Variants in ANO1 observed in about 807,000 individuals in gnomAD.
The protein encoded by ANO1 is anoctamin 1, also known as anoctamin-1.
In ANO1, 59 loss-of-function variants were observed where a neutral mutation model predicts 124.0. That is an observed-to-expected ratio of 0.48 (90% CI 0.39 to 0.59). ANO1 has a LOEUF of 0.59. ANO1 is among the 20% of genes least tolerant of loss of function. The pLI is 0.00. For missense variants in ANO1, 1,059 were observed against 1,328.0 expected, an observed-to-expected ratio of 0.80 and a Z score of 3.15; for synonymous variants, 529 against 532.0, an observed-to-expected ratio of 0.99 and a Z score of 0.08.
At chr11:70,054,781 C>T (rs1300691127) in intron 1 of ANO1, among the ~76,000 whole-genome samples, 7 of 152,034 alleles carry the variant, frequency 4.6e-5, no homozygotes, top group African/African-American at 1.4e-4. Context: ...TTATTTGTGT[C>T]CTTCTACTTT....
At chr11:70,088,775 G>A (rs1195252259) in intron 2 of ANO1, among the ~76,000 whole-genome samples, 1 of 152,168 alleles carries the variant, frequency 6.6e-6, no homozygotes, top group African/African-American at 2.4e-5. Context: ...TTCCTGGATG[G>A]GGTCGGCCCT....
intron 2 of ANO1, among the ~76,000 whole-genome samples, chr11:70,091,516 G>C (rs754346990): frequency 6.6e-6 from 1 of 152,182 alleles, no homozygotes; most frequent in Non-Finnish European, 1.5e-5. Context: ...GCCAGTGTAC[G>C]TGGGGGGCAA....
At chr11:70,150,628 G>A (rs576458563) in intron 12 of ANO1, among the ~76,000 whole-genome samples, 2 of 152,152 alleles carry the variant, frequency 1.3e-5, no homozygotes, top group African/African-American at 4.8e-5. Flanking sequence ...TTGACCTCCC[G>A]GGCTCAAGCC....
chr11:70,017,348 G>A (rs1184424743), intron 1 of ANO1, among the ~76,000 whole-genome samples: 3 of 152,212 alleles, frequency 2.0e-5, no homozygotes, highest in African/African-American at 4.8e-5. Context: ...AGCCCAGAGC[G>A]TGTTTCCCAT....
intron 1 of ANO1, among the ~76,000 whole-genome samples, chr11:70,036,089 G>A (rs1298410242): frequency 6.6e-6 from 1 of 152,076 alleles, no homozygotes; most frequent in Non-Finnish European, 1.5e-5. Flanking sequence ...ATCAACTGGG[G>A]GCCTTCAGCA....
At chr11:70,053,467 C>T (rs1857386058) in intron 1 of ANO1, among the ~76,000 whole-genome samples, 1 of 151,968 alleles carries the variant, frequency 6.6e-6, no homozygotes, top group Non-Finnish European at 1.5e-5. Flanking sequence ...TTAAATTTTA[C>T]CAAATGCTTT....
intron 2 of ANO1, among the ~76,000 whole-genome samples, chr11:70,088,798 A>G (rs1300067129): frequency 2.6e-5 from 4 of 152,112 alleles, no homozygotes; most frequent in Non-Finnish European, 4.4e-5. Flanking sequence ...TCTGGGCCTC[A>G]GTTTCTCGTC....
intron 2 of ANO1, among the ~76,000 whole-genome samples, chr11:70,090,840 A>G (rs929384179): frequency 1.3e-5 from 2 of 152,198 alleles, no homozygotes; most frequent in Non-Finnish European, 2.9e-5. Context: ...TGATCTGGCC[A>G]TGTTTAAGAT....
intron 1 of ANO1, among the ~76,000 whole-genome samples, chr11:69,998,725 T>A (rs1391057259): frequency 6.6e-6 from 1 of 152,144 alleles, no homozygotes; most frequent in Non-Finnish European, 1.5e-5. Context: ...AGGCAGGTGG[T>A]TCACCTGAGG....
intron 14 of ANO1, among the ~76,000 whole-genome samples, chr11:70,153,474 C>G (rs1006060241): frequency 2.0e-5 from 3 of 152,208 alleles, no homozygotes; most frequent in Non-Finnish European, 4.4e-5. Context: ...ACAGGAACCA[C>G]GTGGCTTTGA....
Position 70,131,944 on chromosome 11 carries a change from A to T in ANO1, c.1123A>T (p.Asn375Tyr). The T allele has an allele frequency of 6.2e-7, 1 of 1,608,902 alleles. No homozygotes were observed. Among genetic ancestry groups the T allele is most frequent in the Non-Finnish European group, 8.5e-7 (1 of 1,179,740 alleles). Residue 375 changes from asparagine to tyrosine, a missense_variant, in exon 11 of 26, where the codon AAT (asparagine) becomes TAT (tyrosine). By Grantham distance (143) the Asn-to-Tyr change is moderately radical. This residue lies in a region of ANO1 where 809 missense variants were observed against 1,094.9 expected (regional missense o/e 0.74). Transcript: ENST00000355303. The part of the protein sequence containing the change: ...PSMEMCDQRH[N>Y]ITMCPLCDKT... ...CATGGAGATGTGTGACCAGAGACAC[A>T]ATATCACCATGTGCCCGCTTTGCGA...
At chr11:69,987,126 T>C (rs1856058887) in intron 1 of ANO1, among the ~76,000 whole-genome samples, 1 of 152,078 alleles carries the variant, frequency 6.6e-6, no homozygotes, top group South Asian at 2.1e-4. Context: ...GAAGTGACAC[T>C]GTATACTCAT....
chr11:70,174,389 C>T (rs2048605622), intron 22 of ANO1, among the ~76,000 whole-genome samples: 2 of 151,846 alleles, frequency 1.3e-5, no homozygotes, highest in African/African-American at 2.4e-5. Flanking sequence ...CAGCGAGACT[C>T]CACCTAAAAA....
chr11:70,162,713 GGCCC>G (rs2048104714), intron 18 of ANO1, among the ~76,000 whole-genome samples: 1 of 151,552 alleles, frequency 6.6e-6, no homozygotes, highest in South Asian at 2.1e-4. Flanking sequence ...CCGCCCTCCT[GGCCC>G]AGGGTCCCAG....
intron 11 of ANO1, among the ~76,000 whole-genome samples, chr11:70,135,793 G>T (rs1219899632): frequency 6.6e-6 from 1 of 152,364 alleles, no homozygotes; most frequent in Middle Eastern, 3.4e-3. Context: ...GGGCTGTAAT[G>T]ATCCCATTTC....
chr11:70,116,746 A>G (rs952215612), intron 8 of ANO1, among the ~76,000 whole-genome samples: 13 of 152,178 alleles, frequency 8.5e-5, no homozygotes, highest in Non-Finnish European at 1.5e-4. Context: ...GACCGTGAGC[A>G]TGGGAAAGGG....
intron 10 of ANO1, among the ~76,000 whole-genome samples, chr11:70,127,668 C>G (rs1218137816): frequency 6.6e-6 from 1 of 152,128 alleles, no homozygotes; most frequent in Non-Finnish European, 1.5e-5. Context: ...TGCACTCCAG[C>G]CTGGGGGAAC....
At chr11:70,127,143 G>T (rs1419081765) in intron 10 of ANO1, among the ~76,000 whole-genome samples, 1 of 145,502 alleles carries the variant, frequency 6.9e-6, no homozygotes, top group African/African-American at 2.6e-5. Flanking sequence ...AGACGTGAAC[G>T]CTAGAGGCTT....
chr11:70,027,276 C>T (rs1371466371), intron 1 of ANO1, among the ~76,000 whole-genome samples: 5 of 152,168 alleles, frequency 3.3e-5, no homozygotes, highest in Non-Finnish European at 7.3e-5. Flanking sequence ...TAGCCCAGCC[C>T]ACCTTACCGT....
Sources: allele counts gnomAD v4.1 joint callset (sites outside exome capture counted in the v4.1 genomes callset), GRCh38; gene constraint gnomAD v4.1.1; regional missense constraint gnomAD v4.1.1; transcripts MANE v1.5; gene names NCBI Gene and HGNC (gene_info 2026-07-23, HGNC 2026-07-21).